The following NEDD1 variants were observed in gnomAD, a reference collection of about 807,000 sequenced individuals.
The protein encoded by NEDD1 is NEDD1 gamma-tubulin ring complex targeting factor, also known as protein NEDD1.
In NEDD1, 33 loss-of-function variants were observed where a neutral mutation model predicts 74.0. The observed-to-expected ratio is 0.45, with a 90% CI of 0.34 to 0.60. The LOEUF is 0.60. Among genes scored for constraint, NEDD1 ranks in the 20% least tolerant of loss-of-function variants. The pLI is 0.01. For synonymous variants in NEDD1, 250 were observed against 264.4 expected, an observed-to-expected ratio of 0.95 and a Z score of 0.53; for missense variants, 746 against 776.5, an observed-to-expected ratio of 0.96 and a Z score of 0.47.
In NEDD1 at chr12:96,917,713, A is replaced by T; in HGVS notation, c.324A>T (p.Ser108=). The T allele has an allele frequency of 1.3e-6, 2 of 1,560,264 alleles. No homozygotes were observed. The highest frequency in any genetic ancestry group is 1.7e-6 in the Non-Finnish European group (2 of 1,163,876). The part of the protein sequence containing the change: ...NNTVNIWDLK[S]KRVHRSLKDH... ...CTGTTAATATTTGGGATTTAAAATCAAAAAGAGTTCATCGATCTCTTAAGG... is the reference window on the plus strand; with the variant it reads ...CTGTTAATATTTGGGATTTAAAATCTAAAAGAGTTCATCGATCTCTTAAGG... Residue 108 remains serine, a synonymous_variant, in exon 5 of 16, where the codon TCA becomes TCT. Transcript: ENST00000266742.
At chr12:96,926,237 C>G (rs1875676312) in intron 6 of NEDD1, among the ~76,000 whole-genome samples, 1 of 152,024 alleles carries the variant, frequency 6.6e-6, no homozygotes, top group African/African-American at 2.4e-5. Context: ...GCAACTTGAC[C>G]CCAGTGATCA....
chr12:96,917,497 A>G, intron 4 of NEDD1, 124 bp from the exon 5 acceptor site: 3 of 1,114,986 alleles, frequency 2.7e-6, no homozygotes, highest in Non-Finnish European at 3.5e-6. Flanking sequence ...GTACAAGATT[A>G]GCATGTTTAT....
intron 4 of NEDD1, among the ~76,000 whole-genome samples, chr12:96,915,000 A>T (rs1874292089): frequency 6.6e-6 from 1 of 152,182 alleles, no homozygotes; most frequent in South Asian, 2.1e-4. Context: ...TATTTTATTT[A>T]AAGGCTGTTT....
intron 14 of NEDD1, among the ~76,000 whole-genome samples, chr12:96,947,151 G>T (rs1878274465): frequency 6.6e-6 from 1 of 152,112 alleles, no homozygotes; most frequent in African/African-American, 2.4e-5. Context: ...GTTTTTGAGT[G>T]CTTTGCCCTA....
At chr12:96,930,553 G>T (rs1303102051) in intron 6 of NEDD1, among the ~76,000 whole-genome samples, 1 of 152,004 alleles carries the variant, frequency 6.6e-6, no homozygotes, top group Admixed American at 6.5e-5. Flanking sequence ...GTTTTTATTG[G>T]GGGGGCTGGT....
intron 6 of NEDD1, among the ~76,000 whole-genome samples, chr12:96,931,239 T>C (rs937006205): frequency 5.3e-5 from 8 of 152,194 alleles, no homozygotes; most frequent in African/African-American, 1.9e-4. Flanking sequence ...TATGTTCTTA[T>C]CTGTGCAAAG....
rs765614657 is a variant in NEDD1 at position 96,937,382 on chromosome 12, A to G, written c.1106A>G (p.Gln369Arg). ...SAMGKGTVAV[Q>R]EKAGLPRSIN... ...ATGGGGAAAGGAACAGTTGCTGTTCAAGAAAAAGCAGGTAAATGTTGCTTA... is the reference window on the plus strand; with the variant it reads ...ATGGGGAAAGGAACAGTTGCTGTTCGAGAAAAAGCAGGTAAATGTTGCTTA... Residue 369 changes from glutamine to arginine, a missense_variant, in exon 9 of 16, where the codon CAA becomes CGA. Gln to Arg is a conservative substitution (Grantham distance 43, BLOSUM62 1). Coordinates refer to ENST00000266742, the MANE Select transcript of NEDD1 (RefSeq NM_152905.4). 1.3e-6 allele frequency: 2 copies of G among 1,581,992 alleles called. No homozygotes were observed. The highest frequency in any genetic ancestry group is 1.2e-5 in the South Asian group (1 of 86,122).
At chr12:96,911,530 G>A (rs1050851919) in intron 3 of NEDD1, among the ~76,000 whole-genome samples, 2 of 152,186 alleles carry the variant, frequency 1.3e-5, no homozygotes, top group African/African-American at 4.8e-5. Flanking sequence ...ACATAGTATA[G>A]ATTCCAAGAA....
rs761009009 is a variant in NEDD1, at chr12:96,935,067, G to C, written c.581G>C (p.Ser194Thr). 9.9e-6 allele frequency: 16 copies of C among 1,610,718 alleles called. No homozygotes were observed. In the East Asian group the frequency reaches 3.6e-4, roughly 36 times the overall value. Reference protein sequence around the residue: ...NGIVTLWDVNSQSPYHNFDSV... With the variant: ...NGIVTLWDVNTQSPYHNFDSV... ...ATAGTAACTCTCTGGGATGTAAATAGTCAGAGTCCATACCATAACTTTGAC... is the reference window on the plus strand; with the variant it reads ...ATAGTAACTCTCTGGGATGTAAATACTCAGAGTCCATACCATAACTTTGAC... The change falls in exon 7 of 16, where the codon AGT (serine) becomes ACT (threonine). Residue 194 changes from serine to threonine, a missense_variant. Ser to Thr is a moderately conservative substitution (Grantham distance 58). Around this residue, in one of 3 missense-constraint regions of NEDD1, gnomAD observed 706 missense variants for 706.7 expected, o/e 1.00. Coordinates refer to ENST00000266742, the MANE Select transcript of NEDD1 (RefSeq NM_152905.4).
intron 6 of NEDD1, among the ~76,000 whole-genome samples, chr12:96,926,550 ATT>A (rs771117247): frequency 1.4e-5 from 2 of 140,750 alleles, no homozygotes; most frequent in Non-Finnish European, 3.1e-5. Flanking sequence ...AACCTTTGGA[ATT>A]TTTTTTTTTT....
chr12:96,929,625 T>TATATATATA (rs376505455), intron 6 of NEDD1, among the ~76,000 whole-genome samples: 1 of 106,638 alleles, frequency 9.4e-6, no homozygotes, highest in South Asian at 2.6e-4. Context: ...ATATATATAT[T>TATATATATA]TTTTTTTTAA....
At chr12:96,936,289 C>T (rs1240105697) in intron 7 of NEDD1, among the ~76,000 whole-genome samples, 5 of 152,112 alleles carry the variant, frequency 3.3e-5, no homozygotes, top group South Asian at 2.1e-4. Context: ...CTGTTTGTGG[C>T]GTAATAGACA....
intron 9 of NEDD1, among the ~76,000 whole-genome samples, chr12:96,938,774 C>T (rs1427762694): frequency 2.6e-5 from 4 of 151,722 alleles, no homozygotes; most frequent in African/African-American, 9.7e-5. Context: ...TAAATTTTGC[C>T]ACATTTGCTT....
rs1050319870 is a variant in NEDD1 at position 96,911,149 on chromosome 12, G to C, written c.136+1254G>C. 2.0e-5 allele frequency among the ~76,000 whole-genome samples: 3 copies of C among 152,162 alleles called. No individual in the cohort carries two copies. In the East Asian group the frequency reaches 5.8e-4, roughly 29 times the overall value. ...TGTAATAGGGAAAATATTTTAAAGAGAGCGACAAGTATATGAAGTTGCTGT... is the reference window on the plus strand; with the variant it reads ...TGTAATAGGGAAAATATTTTAAAGACAGCGACAAGTATATGAAGTTGCTGT... On this transcript the variant is annotated intron_variant, in intron 3 of 15. Transcript: ENST00000266742.
chr12:96,944,864 TA>T (rs1338682976), intron 13 of NEDD1, 69 bp downstream of exon 13: 1 of 1,191,926 alleles, frequency 8.4e-7, no homozygotes, highest in African/African-American at 1.6e-5. Context: ...ATTTAACTTG[TA>T]AAGGAGAAAT....
At chr12:96,933,825 A>G (rs1876802896) in intron 6 of NEDD1, among the ~76,000 whole-genome samples, 1 of 152,212 alleles carries the variant, frequency 6.6e-6, no homozygotes, top group Non-Finnish European at 1.5e-5. Context: ...CGCCTAGTAA[A>G]TGACAACATC....
In NEDD1 at chr12:96,940,433, A is replaced by G; in HGVS notation, c.1142A>G (p.Asp381Gly). 6.3e-7 allele frequency: 1 copy of G among 1,598,800 alleles called. No individual in the cohort carries two copies. Among genetic ancestry groups the G allele is most frequent in the Non-Finnish European group, 8.6e-7 (1 of 1,167,510 alleles). Residue 381 changes from aspartate to glycine, a missense_variant, in exon 10 of 16, where the codon GAC becomes GGC. By Grantham distance (94) the Asp-to-Gly change is moderately conservative. Around this residue, in one of 3 missense-constraint regions of NEDD1, gnomAD observed 706 missense variants for 706.7 expected, o/e 1.00. Transcript: ENST00000266742. Reference sequence around the variant, plus strand: ...GGTTTGCCTCGAAGCATAAACACAGACACTTTATCTAAGGAAACAGACAGT... The same window carrying G: ...GGTTTGCCTCGAAGCATAAACACAGGCACTTTATCTAAGGAAACAGACAGT... Reference protein sequence around the residue: ...KAGLPRSINTDTLSKETDSGK... With the variant: ...KAGLPRSINTGTLSKETDSGK...
intron 4 of NEDD1, 35 bp downstream of exon 4, chr12:96,912,852 A>G: frequency 8.7e-7 from 1 of 1,152,034 alleles, no homozygotes; most frequent in South Asian, 1.3e-5. Context: ...ACTTTTAAAA[A>G]TCTTAGTTTT....
chr12:96,945,750 T>C lies in NEDD1; in HGVS notation c.1712T>C (p.Ile571Thr), dbSNP rs762303415. The change falls in exon 14 of 16, where the codon ATA becomes ACA. Residue 571 changes from isoleucine (I) to threonine (T), a missense_variant. Around this residue, in one of 3 missense-constraint regions of NEDD1, gnomAD observed 706 missense variants for 706.7 expected, o/e 1.00. Coordinates refer to ENST00000266742, the MANE Select transcript of NEDD1 (RefSeq NM_152905.4). ...GTTGCCAGTTCACTCTCAGAAAAAATAGCCGACAGCATTGGAAATAACCGG... is the reference window on the plus strand; with the variant it reads ...GTTGCCAGTTCACTCTCAGAAAAAACAGCCGACAGCATTGGAAATAACCGG... ...AGVASSLSEK[I>T]ADSIGNNRQN... The C allele has an allele frequency of 2.5e-6, 4 of 1,608,110 alleles. No individual in the cohort carries two copies. Among genetic ancestry groups the C allele is most frequent in the Non-Finnish European group, 2.6e-6 (3 of 1,174,680 alleles).
Sources: gnomAD v4.1 joint callset for allele counts (sites outside exome capture counted in the v4.1 genomes callset) on GRCh38, gnomAD v4.1.1 for gene constraint, gnomAD v4.1.1 regional missense constraint, MANE v1.5 for transcripts, NCBI Gene and HGNC (gene_info 2026-07-23, HGNC 2026-07-21) for gene names.